TPTE2: variants seen among roughly 807,000 people sequenced by gnomAD.
The protein encoded by TPTE2 is phosphatidylinositol 3,4,5-trisphosphate 3-phosphatase TPTE2.
A neutral mutation model predicts 78.6 loss-of-function variants in TPTE2; 53 were observed. That is an observed-to-expected ratio of 0.67 (90% CI 0.54 to 0.85). The LOEUF (loss-of-function observed/expected upper bound fraction) is 0.85. Among genes scored for constraint, TPTE2 ranks in the 40% least tolerant of loss-of-function variants. The pLI is 0.00. For missense variants in TPTE2, 461 were observed against 623.0 expected (o/e 0.74, Z 2.77); for synonymous variants, 175 against 206.2 (o/e 0.85, Z 1.30).
At chr13:19,459,180 GA>G (rs1878730074) in intron 10 of TPTE2, among the ~76,000 whole-genome samples, 2 of 152,262 alleles carry the variant, frequency 1.3e-5, no homozygotes, top group South Asian at 2.1e-4. Context: ...GTGATGTTGA[GA>G]TTTTTTTTCA....
chr13:19,459,100 AAT>A, intron 10 of TPTE2, among the ~76,000 whole-genome samples: 1 of 152,164 alleles, frequency 6.6e-6, no homozygotes, highest in African/African-American at 2.4e-5. Context: ...TTGGCTTTTT[AAT>A]AATAGCCATT....
the TPTE2 span, chr13:19,560,625 C>T: frequency 1.3e-6 from 2 of 1,585,940 alleles, no homozygotes; most frequent in South Asian, 1.1e-5. Flanking sequence ...CTGGAAGGTG[C>T]CCATCAGGGC....
intron 19 of TPTE2, among the ~76,000 whole-genome samples, chr13:19,424,728 G>A (rs537765864): frequency 1.3e-5 from 2 of 152,272 alleles, no homozygotes; most frequent in South Asian, 2.1e-4. Context: ...ACAGTCCTAT[G>A]GCATGGACCC....
At chr13:19,463,623 G>C (rs2137561199) in intron 10 of TPTE2, among the ~76,000 whole-genome samples, 1 of 152,242 alleles carries the variant, frequency 6.6e-6, no homozygotes, top group Non-Finnish European at 1.5e-5. Context: ...TCCAATGTTA[G>C]AGAGCTTTCA....
chr13:19,477,136 C>A (rs1424947625), intron 4 of TPTE2, among the ~76,000 whole-genome samples: 1 of 152,100 alleles, frequency 6.6e-6, no homozygotes, highest in African/African-American at 2.4e-5. Context: ...ACTGAATGTT[C>A]TCACCTATCA....
At position 19,427,079 on chromosome 13, in the gene TPTE2, C is replaced by CTTTTTTTTTTTTTTTTTTTTTTTTTTTTT. The variant is rs55904352; in HGVS notation, c.1303-563_1303-562insAAAAAAAAAAAAAAAAAAAAAAAAAAAAA. Among the ~76,000 whole-genome samples, 35 of 67,292 alleles carry CTTTTTTTTTTTTTTTTTTTTTTTTTTTTT rather than the reference C, an allele frequency of 5.2e-4. 1 individual carries two copies. Among genetic ancestry groups the CTTTTTTTTTTTTTTTTTTTTTTTTTTTTT allele is most frequent in the Non-Finnish European group, 6.6e-4 (25 of 37,816 alleles). The allele number at this position is 67,292 out of a possible 152,430, so 44.1% of individuals were successfully genotyped here. A position where few individuals can be genotyped will look rare whatever the true frequency, so the allele number is the denominator to read the frequency against. On this transcript the variant is annotated intron_variant, in intron 17 of 19. Transcript: ENST00000400230. ...CTTTTCTTTTTTTTTCTTTTCTTTTCTTTTTTTTTTTTTTTTTTTTTTTGA... is the reference window on the plus strand; with the variant it reads ...CTTTTCTTTTTTTTTCTTTTCTTTTCTTTTTTTTTTTTTTTTTTTTTTTTTTTTTTTTTTTTTTTTTTTTTTTTTTTTGA...
At position 19,498,746 on chromosome 13, in the gene TPTE2, C is replaced by A. The variant is rs145212275; in HGVS notation, c.11+4478G>T. The stretch of plus-strand genomic sequence containing the variant: ...TAGGAAGAAACTGCATCAACTAACG[C>A]GCAAAAAAACCAGCTAACATCATAA... On this transcript the variant is annotated intron_variant, in intron 1 of 19. Coordinates refer to ENST00000400230, the Ensembl canonical transcript of TPTE2. Among the ~76,000 whole-genome samples the A allele has an allele frequency of 2.1e-4, 32 of 151,366 alleles. 1 individual carries two copies. The highest frequency in any genetic ancestry group is 1.5e-3 in the South Asian group (7 of 4,744).
rs985334010 is a variant in TPTE2, at chr13:19,508,474, G to A, written c.-43-5197C>T. On this transcript the variant is annotated intron_variant, in intron 1 of 17. Transcript: ENST00000390680. ...GAAACATGAAATGAGAATGGGAGTT[G>A]TAAGAAAAAATAAAAGAGAAAGCCT... Among the ~76,000 whole-genome samples, 22 of 151,790 alleles carry A rather than the reference G, an allele frequency of 1.4e-4. No individual in the cohort carries two copies. The East Asian group carries it at 1.7e-3, about 12-fold the overall frequency.
chr13:19,510,633 G>T (rs142697362), intron 1 of TPTE2, among the ~76,000 whole-genome samples: 2,978 of 152,162 alleles, frequency 0.02, 50 homozygotes, highest in Non-Finnish European at 0.029. Context: ...CGTTTTTAAT[G>T]TTACTAAAAA....
chr13:19,490,220 T>C (rs1373768442), intron 3 of TPTE2, among the ~76,000 whole-genome samples: 3 of 152,174 alleles, frequency 2.0e-5, no homozygotes, highest in Admixed American at 2.0e-4. Flanking sequence ...TATTTTGAAA[T>C]CTCACCCATC....
At chr13:19,534,702 G>T (rs1363421194) in intron 1 of TPTE2, among the ~76,000 whole-genome samples, 1 of 152,072 alleles carries the variant, frequency 6.6e-6, no homozygotes, top group Non-Finnish European at 1.5e-5. Context: ...TTATAAAGCA[G>T]GATTGCTTTA....
chr13:19,444,537 A>C (rs1240234915), intron 13 of TPTE2, among the ~76,000 whole-genome samples: 1 of 152,102 alleles, frequency 6.6e-6, no homozygotes, highest in East Asian at 1.9e-4. Context: ...ATGAGAAAGC[A>C]TTGTAAAGAG....
intron 1 of TPTE2, among the ~76,000 whole-genome samples, chr13:19,534,874 A>G (rs940577520): frequency 6.6e-6 from 1 of 152,202 alleles, no homozygotes; most frequent in Admixed American, 6.5e-5. Flanking sequence ...GTTTTGGAGC[A>G]ATTTTAAGAG....
chr13:19,440,668 G>A (rs1412131535), intron 13 of TPTE2, among the ~76,000 whole-genome samples: 1 of 152,128 alleles, frequency 6.6e-6, no homozygotes, highest in Non-Finnish European at 1.5e-5. Context: ...GACTCAGAAG[G>A]CTGAGGCAGG....
chr13:19,483,197 G>A (rs1880462733), intron 3 of TPTE2, among the ~76,000 whole-genome samples: 1 of 152,200 alleles, frequency 6.6e-6, no homozygotes, highest in Non-Finnish European at 1.5e-5. Context: ...TGGAGTGGCT[G>A]AGGCAATTTC....
the TPTE2 span, among the ~76,000 whole-genome samples, chr13:19,557,405 A>G: frequency 6.6e-6 from 1 of 152,194 alleles, no homozygotes; most frequent in African/African-American, 2.4e-5. Flanking sequence ...GCTGAGGAGC[A>G]GGGATCCCTG....
At chr13:19,498,222 C>CTT (rs1423909469) in intron 1 of TPTE2, among the ~76,000 whole-genome samples, 10 of 152,126 alleles carry the variant, frequency 6.6e-5, no homozygotes, top group Non-Finnish European at 1.0e-4. Context: ...GGAAAAAACA[C>CTT]TGCAGGATAT....
chr13:19,451,187 G>A (rs370454630), exon 11 of TPTE2: 8 of 1,613,358 alleles, frequency 5.0e-6, no homozygotes, highest in East Asian at 2.2e-5. Context: ...AGACTCGATA[G>A]TGGTTTCGAT....
At chr13:19,453,435 G>C (rs1878323550) in intron 10 of TPTE2, among the ~76,000 whole-genome samples, 1 of 151,210 alleles carries the variant, frequency 6.6e-6, no homozygotes, top group East Asian at 1.9e-4. Context: ...TTTTTCATGG[G>C]GAAACAAATA....
Sources: allele counts gnomAD v4.1 joint callset (sites outside exome capture counted in the v4.1 genomes callset), GRCh38; gene constraint gnomAD v4.1.1; transcripts MANE v1.5; gene names NCBI Gene and HGNC (gene_info 2026-07-23, HGNC 2026-07-21).